AMPD2: variants seen among roughly 807,000 people sequenced by gnomAD.
AMPD2 encodes the protein adenosine monophosphate deaminase 2.
Under a neutral mutation model 91.3 loss-of-function variants are expected in AMPD2, and 52 were observed. The ratio of observed to expected loss-of-function variants is 0.57; its 90% CI spans 0.46 to 0.72. The LOEUF (loss-of-function observed/expected upper bound fraction) is 0.72, where lower values mean the gene tolerates loss of function less well. Ranked by LOEUF, AMPD2 falls within the 30% of genes least tolerant of loss-of-function variation. The pLI is 0.00. For missense variants in AMPD2, 822 were observed against 1,122.3 expected (o/e 0.73, Z 3.82); for synonymous variants, 455 against 456.4 (o/e 1.00, Z 0.04).
intron 9 of AMPD2, 41 bp from the exon 10 acceptor site, chr1:109,627,733 C>T (rs1340496014): frequency 2.5e-6 from 4 of 1,608,778 alleles, no homozygotes; most frequent in Non-Finnish European, 3.4e-6. Context: ...AGGTGCCTCC[C>T]TTCAGGGCCT....
Position 109,628,351 on chromosome 1 carries a change from C to T in AMPD2, c.1276-13C>T, listed in dbSNP as rs1312426599. 4 of 1,613,968 alleles carry T rather than the reference C, an allele frequency of 2.5e-6. No individual in the cohort carries two copies. The highest frequency in any genetic ancestry group is 3.4e-6 in the Non-Finnish European group (4 of 1,179,928). On this transcript the variant is annotated splice_polypyrimidine_tract_variant and intron_variant, in intron 11 of 18. Transcript: ENST00000528667. The surrounding 1 kb of genome is among the most constrained non-coding windows in gnomAD (Gnocchi z 7.1). ...GGAGTCACGGGTGACCTGAGCCTTC[C>T]CATGTCCCCCAGGACAGGAACACTT...
chr1:109,629,841 G>C lies in AMPD2; in HGVS notation c.1908G>C (p.Glu636Asp), dbSNP rs1651046235. Residue 636 changes from glutamate to aspartate, a missense_variant, in exon 16 of 19, where the codon GAG (glutamate) becomes GAC (aspartate). Glu to Asp is a conservative substitution (Grantham distance 45, BLOSUM62 2). This residue lies in a region of AMPD2 where 430 missense variants were observed against 606.0 expected (regional missense o/e 0.71). Coordinates refer to ENST00000528667, the MANE Select transcript of AMPD2 (RefSeq NM_001368809.2). ...HTFVLRPHCG[E>D]AGPIHHLVSA... is the part of the protein sequence containing the mutation. ...TTGTGCTGAGGCCACACTGTGGGGA[G>C]GCTGGGCCCATCCACCACCTGGTGT... The C allele has an allele frequency of 3.7e-6, 6 of 1,612,734 alleles. No individual in the cohort carries two copies. The highest frequency in any genetic ancestry group is 5.1e-6 in the Non-Finnish European group (6 of 1,179,228).
chr1:109,621,164 G>A lies in AMPD2; in HGVS notation c.-12G>A, dbSNP rs1650216430. 1.3e-6 allele frequency: 2 copies of A among 1,599,722 alleles called. No individual in the cohort carries two copies. The highest frequency in any genetic ancestry group is 8.5e-7 in the Non-Finnish European group (1 of 1,172,584). Reference sequence around the variant, plus strand: ...CTCAGACTCCCCCGCTGTCGCCGCCGTGGTCCCAGCCATGGCATCCTATCC... The same window carrying A: ...CTCAGACTCCCCCGCTGTCGCCGCCATGGTCCCAGCCATGGCATCCTATCC... On this transcript the variant is annotated 5_prime_UTR_variant, in exon 2 of 19. The change creates a new upstream start codon in the 5' untranslated region. Transcript: ENST00000528667.
rs1466494219 is a variant in AMPD2 at position 109,626,795 on chromosome 1, A to G, written c.601A>G (p.Met201Val). 1.9e-6 allele frequency: 3 copies of G among 1,613,886 alleles called. No individual in the cohort carries two copies. The highest frequency in any genetic ancestry group is 1.7e-5 in the Admixed American group (1 of 60,008). ...GGCGCTCTTCATCCGGGAGAAGTACATGGCCCTGTCCCTGCAGAGCTTCTG... is the reference window on the plus strand; with the variant it reads ...GGCGCTCTTCATCCGGGAGAAGTACGTGGCCCTGTCCCTGCAGAGCTTCTG... ...VRALFIREKY[M>V]ALSLQSFCPT... The change falls in exon 7 of 19, where the codon ATG (methionine) becomes GTG (valine). Residue 201 changes from methionine to valine, a missense_variant. Around this residue, in one of 5 missense-constraint regions of AMPD2, gnomAD observed 240 missense variants for 270.3 expected, o/e 0.89. Coordinates refer to ENST00000528667, the MANE Select transcript of AMPD2 (RefSeq NM_001368809.2).
chr1:109,620,421 G>A, intron 1 of AMPD2, 143 bp downstream of exon 1: 1 of 1,382,404 alleles, frequency 7.2e-7, no homozygotes, highest in Non-Finnish European at 1.0e-6. Flanking sequence ...CTGGGGAGCA[G>A]AGCCAGAGTG....
chr1:109,622,253 G>A (rs1432418016), intron 2 of AMPD2: 5 of 456,308 alleles, frequency 1.1e-5, no homozygotes, highest in South Asian at 7.7e-5. Context: ...ATCCAGAAAG[G>A]GTGTCCCCTG....
intron 2 of AMPD2, 75 bp downstream of exon 2, chr1:109,621,341 C>T (rs1650241877): frequency 6.5e-7 from 1 of 1,529,550 alleles, no homozygotes; most frequent in African/African-American, 1.4e-5. Flanking sequence ...GTGCTGGTCC[C>T]CTCAGAGGGG....
In AMPD2 at chr1:109,621,151, C is replaced by G. The variant is rs1402065626; in HGVS notation, c.-25C>G. On this transcript the variant is annotated 5_prime_UTR_variant, in exon 2 of 19. Coordinates refer to ENST00000528667, the MANE Select transcript of AMPD2 (RefSeq NM_001368809.2). ...CCAGCCGGTGCCGCTCAGACTCCCC[C>G]GCTGTCGCCGCCGTGGTCCCAGCCA... 8 of 1,596,306 alleles carry G rather than the reference C, an allele frequency of 5.0e-6. No homozygotes were observed. Among genetic ancestry groups the G allele is most frequent in the Admixed American group, 1.7e-5 (1 of 58,310 alleles).
At chr1:109,627,926 T>G in intron 10 of AMPD2, 23 bp downstream of exon 10, 2 of 1,612,320 alleles carry the variant, frequency 1.2e-6, no homozygotes, top group Non-Finnish European at 1.7e-6. Context: ...CCCGTGGCCG[T>G]CTCCATGTCC....
rs1425925479 is a variant in AMPD2, at chr1:109,625,441, C to T, written c.222+8C>T. 1.2e-6 allele frequency: 2 copies of T among 1,613,960 alleles called. No individual in the cohort carries two copies. Among genetic ancestry groups the T allele is most frequent in the Non-Finnish European group, 8.5e-7 (1 of 1,179,976 alleles). On this transcript the variant is annotated splice_region_variant and intron_variant, in intron 3 of 18. Coordinates refer to ENST00000528667, the MANE Select transcript of AMPD2 (RefSeq NM_001368809.2). The surrounding 1 kb of genome is among the most constrained non-coding windows in gnomAD (Gnocchi z 4.0). ...TGCAAGGAGATCGCCGAGGTATCACCTGGCACCACCCGCACCCTCACCCCG... is the reference window on the plus strand; with the variant it reads ...TGCAAGGAGATCGCCGAGGTATCACTTGGCACCACCCGCACCCTCACCCCG...
At position 109,620,923 on chromosome 1, in the gene AMPD2, C is replaced by A; in HGVS notation, c.-253C>A. On this transcript the variant is annotated 5_prime_UTR_variant, in exon 2 of 19. Transcript: ENST00000528667. ...CCCCGCCCCCCGCCAGGCCCAGCCA[C>A]CATCAGTCACGTCACTCCTGGGACT... The A allele has an allele frequency of 6.7e-7, 1 of 1,494,026 alleles. No individual in the cohort carries two copies. The highest frequency in any genetic ancestry group is 2.3e-5 in the East Asian group (1 of 42,822). 92.5% of individuals were successfully genotyped at this position (1,494,026 alleles called of 1,614,324 possible).
chr1:109,626,026 G>A, intron 4 of AMPD2, 134 bp from the exon 5 acceptor site: 2 of 1,167,310 alleles, frequency 1.7e-6, no homozygotes, highest in Non-Finnish European at 2.5e-6. Flanking sequence ...AGTGAGAACA[G>A]CACAGGGTTC....
chr1:109,630,334 A>G lies in AMPD2; in HGVS notation c.2085A>G (p.Leu695=). The change falls in exon 17 of 19, where the codon CTA becomes CTG. Residue 695 remains leucine, a synonymous_variant. Coordinates refer to ENST00000528667, the MANE Select transcript of AMPD2 (RefSeq NM_001368809.2). ...TCCTCAGCTATCACCGGAATCCGCT[A>G]CCGGAGTACCTGTCCCGCGGCCTCA... ...SLFLSYHRNP[L]PEYLSRGLMV... The G allele has an allele frequency of 1.2e-6, 2 of 1,613,870 alleles. No individual in the cohort carries two copies. Among genetic ancestry groups the G allele is most frequent in the Non-Finnish European group, 1.7e-6 (2 of 1,179,972 alleles).
In AMPD2 at chr1:109,624,588, G is replaced by A. The variant is rs1337384244; in HGVS notation, c.92-715G>A. 1.3e-5 allele frequency among the ~76,000 whole-genome samples: 2 copies of A among 152,210 alleles called. No homozygotes were observed. Among genetic ancestry groups the A allele is most frequent in the African/African-American group, 4.8e-5 (2 of 41,468 alleles). On this transcript the variant is annotated intron_variant, in intron 2 of 18. Transcript: ENST00000528667. This position sits in a 1 kb window ranked among gnomAD's most constrained non-coding sequence, Gnocchi z 5.2. The stretch of plus-strand genomic sequence containing the variant: ...TGTTTGTGGCAGCTCCTTTTGGAGG[G>A]GCAGGCTAAGGCCAGGCCACATTTT...
At chr1:109,622,721 A>G (rs1345340638) in intron 2 of AMPD2, among the ~76,000 whole-genome samples, 2 of 151,898 alleles carry the variant, frequency 1.3e-5, no homozygotes, top group Non-Finnish European at 2.9e-5. Flanking sequence ...TGTCCTGCTC[A>G]CCCCAGGATT....
chr1:109,626,486 C>T, intron 6 of AMPD2, 59 bp downstream of exon 6: 3 of 1,488,492 alleles, frequency 2.0e-6, no homozygotes, highest in Non-Finnish European at 2.7e-6. Flanking sequence ...TGGGTTCCCC[C>T]AGCCTGGAGA....
intron 13 of AMPD2, 78 bp from the exon 14 acceptor site, chr1:109,629,031 C>G (rs1249538556): frequency 1.3e-6 from 2 of 1,579,022 alleles, no homozygotes; most frequent in African/African-American, 2.7e-5. Context: ...TTGGGCCAAG[C>G]TCTGACCCTT....
chr1:109,628,993 A>G lies in AMPD2; in HGVS notation c.1572-116A>G. The G allele has an allele frequency of 6.7e-7, 1 of 1,485,034 alleles. No individual in the cohort carries two copies. Among genetic ancestry groups the G allele is most frequent in the Non-Finnish European group, 9.0e-7 (1 of 1,106,360 alleles). 92.0% of individuals were successfully genotyped at this position (1,485,034 alleles called of 1,614,324 possible). A position where few individuals can be genotyped will look rare whatever the true frequency, so the allele number is the denominator to read the frequency against. ...CCCACCTGGGTATCCTTGCTTTCCC[A>G]ATATGGTTCAGATGCGCCCCTGCGC... On this transcript the variant is annotated intron_variant, in intron 13 of 18. Transcript: ENST00000528667. The surrounding 1 kb of genome is among the most constrained non-coding windows in gnomAD (Gnocchi z 7.1).
intron 1 of AMPD2, 79 bp downstream of exon 1, chr1:109,620,357 G>C: frequency 6.3e-7 from 1 of 1,591,070 alleles, no homozygotes; most frequent in South Asian, 1.1e-5. Context: ...GAGGGTGGGA[G>C]TCACAGCACA....
Sources: gnomAD v4.1 joint callset for allele counts (sites outside exome capture counted in the v4.1 genomes callset) on GRCh38, gnomAD v4.1.1 for gene constraint, gnomAD v4.1.1 regional missense constraint, Gnocchi (gnomAD v3.1) non-coding constraint, MANE v1.5 for transcripts, NCBI Gene and HGNC (gene_info 2026-07-23, HGNC 2026-07-21) for gene names.